The following RBFOX1 variants were observed in gnomAD, a reference collection of about 807,000 sequenced individuals.
RBFOX1 encodes RNA binding fox-1 homolog 1, also known as RNA binding protein fox-1 homolog 1.
Under a neutral mutation model 57.7 loss-of-function variants are expected in RBFOX1, and 8 were observed. That is an observed-to-expected ratio of 0.14 (90% CI 0.08 to 0.25). The LOEUF (loss-of-function observed/expected upper bound fraction) is 0.25. RBFOX1 is among the 10% of genes least tolerant of loss of function. The pLI is 1.00. For missense variants in RBFOX1, 611 were observed against 548.5 expected, an observed-to-expected ratio of 1.11 and a Z score of -1.14; for synonymous variants, 326 against 222.4, an observed-to-expected ratio of 1.47 and a Z score of -4.15.
At chr16:7,057,659 C>T (rs1207183524) in intron 4 of RBFOX1, among the ~76,000 whole-genome samples, 1 of 152,162 alleles carries the variant, frequency 6.6e-6, no homozygotes, top group Non-Finnish European at 1.5e-5. Context: ...CCAGGGCCAA[C>T]TCTTGAGGGA....
At chr16:5,286,903 G>C (rs2063409048) in intron 1 of RBFOX1, among the ~76,000 whole-genome samples, 1 of 152,222 alleles carries the variant, frequency 6.6e-6, no homozygotes, top group African/African-American at 2.4e-5. Flanking sequence ...TTGGTCTATA[G>C]TTTGCCAACC....
At chr16:6,006,261 G>A (rs1256257492) in intron 4 of RBFOX1, among the ~76,000 whole-genome samples, 1 of 152,136 alleles carries the variant, frequency 6.6e-6, no homozygotes, top group Non-Finnish European at 1.5e-5. Context: ...CCACAGATGT[G>A]GCTGGTCAGA....
At chr16:7,653,972 G>T (rs1212676991) in intron 12 of RBFOX1, 25 bp downstream of exon 12, 1 of 1,474,696 alleles carries the variant, frequency 6.8e-7, no homozygotes, top group Non-Finnish European at 8.9e-7. Context: ...CTCCTGGGTG[G>T]GCCTCCCTGC....
At chr16:7,232,557 C>T (rs1296639195) in intron 4 of RBFOX1, among the ~76,000 whole-genome samples, 2 of 152,052 alleles carry the variant, frequency 1.3e-5, no homozygotes, top group Non-Finnish European at 2.9e-5. Context: ...AATGAGATAA[C>T]AGGCCAGGCA....
chr16:5,570,440 G>C (rs2046241838), intron 2 of RBFOX1, among the ~76,000 whole-genome samples: 1 of 152,148 alleles, frequency 6.6e-6, no homozygotes, highest in African/African-American at 2.4e-5. Context: ...AGAATGCTTA[G>C]GTCCCTGGCA....
chr16:6,786,634 G>C (rs900640315), intron 3 of RBFOX1, among the ~76,000 whole-genome samples: 1 of 152,142 alleles, frequency 6.6e-6, no homozygotes, highest in Admixed American at 6.5e-5. Context: ...TGAGGAGAAT[G>C]GATGGTGCTC....
intron 2 of RBFOX1, among the ~76,000 whole-genome samples, chr16:5,532,103 A>T (rs140920900): frequency 9.1e-4 from 139 of 152,220 alleles, no homozygotes; most frequent in African/African-American, 3.0e-3. Flanking sequence ...GTGACTGTCA[A>T]GTTCTTCTTG....
chr16:7,041,082 ATTTTTTT>A (rs61569211), intron 3 of RBFOX1, among the ~76,000 whole-genome samples: 14,008 of 109,888 alleles, frequency 0.13, 1,199 homozygotes, highest in East Asian at 0.36. Context: ...CGCCCAGCTA[ATTTTTTT>A]TTTTTTTTTT....
chr16:5,276,929 A>G (rs1306807020), intron 1 of RBFOX1, among the ~76,000 whole-genome samples: 1 of 152,202 alleles, frequency 6.6e-6, no homozygotes, highest in Non-Finnish European at 1.5e-5. Context: ...TGATCCAGCA[A>G]TCCCACTACT....
chr16:6,753,236 G>T (rs1486155719), intron 3 of RBFOX1, among the ~76,000 whole-genome samples: 1 of 152,178 alleles, frequency 6.6e-6, no homozygotes, highest in Non-Finnish European at 1.5e-5. Flanking sequence ...CTGGGATAAA[G>T]CAAGTATAGT....
chr16:5,934,816 A>G (rs991512170), intron 4 of RBFOX1, among the ~76,000 whole-genome samples: 1 of 152,220 alleles, frequency 6.6e-6, no homozygotes, highest in Admixed American at 6.5e-5. Flanking sequence ...AGACACTGAT[A>G]TTCAGTGAAA....
At chr16:6,686,500 C>G (rs751671048) in intron 3 of RBFOX1, among the ~76,000 whole-genome samples, 1 of 152,170 alleles carries the variant, frequency 6.6e-6, no homozygotes, top group Admixed American at 6.5e-5. Flanking sequence ...CGTTTAAGTT[C>G]TGTGAAATTG....
At chr16:7,471,633 G>C in intron 4 of RBFOX1, among the ~76,000 whole-genome samples, 1 of 152,144 alleles carries the variant, frequency 6.6e-6, no homozygotes, top group Non-Finnish European at 1.5e-5. Context: ...CTTTACCCAT[G>C]AGCTATGCAC....
In RBFOX1 at chr16:6,617,549, G is replaced by T. The variant is rs538365401; in HGVS notation, c.-63-37054G>T. On this transcript the variant is annotated intron_variant, in intron 2 of 15. Transcript: ENST00000550418. ...AGAGATGAGATCAAGATGGCCATGT[G>T]GTTATAGACAGGGCTGGAGGACCTT... 3.5e-4 allele frequency among the ~76,000 whole-genome samples: 54 copies of T among 152,132 alleles called. 1 individual carries two copies. Among genetic ancestry groups the T allele is most frequent in the African/African-American group, 1.3e-3 (52 of 41,524 alleles).
At chr16:7,213,211 T>A (rs1185204922) in intron 4 of RBFOX1, among the ~76,000 whole-genome samples, 1 of 152,170 alleles carries the variant, frequency 6.6e-6, no homozygotes, top group Non-Finnish European at 1.5e-5. Flanking sequence ...GAACAATATC[T>A]GGGGCAGAAA....
intron 3 of RBFOX1, among the ~76,000 whole-genome samples, chr16:5,695,855 GT>G (rs1255759086): frequency 6.6e-6 from 1 of 152,094 alleles, no homozygotes; most frequent in Admixed American, 6.5e-5. Flanking sequence ...TTGCTCACAG[GT>G]ACTAATCATT....
chr16:5,831,550 C>T (rs990749765), intron 3 of RBFOX1, among the ~76,000 whole-genome samples: 3 of 150,852 alleles, frequency 2.0e-5, no homozygotes, highest in Non-Finnish European at 4.4e-5. Context: ...AGTGCAGTGG[C>T]ACAATCTCAG....
At chr16:7,300,425 C>T (rs1312172111) in intron 4 of RBFOX1, among the ~76,000 whole-genome samples, 2 of 152,200 alleles carry the variant, frequency 1.3e-5, no homozygotes, top group African/African-American at 4.8e-5. Flanking sequence ...TTCATGCTCA[C>T]TTTAATGAAG....
chr16:6,401,771 T>G (rs1342983873), intron 2 of RBFOX1, among the ~76,000 whole-genome samples: 1 of 152,036 alleles, frequency 6.6e-6, no homozygotes, highest in Non-Finnish European at 1.5e-5. Flanking sequence ...AAACATTAAA[T>G]GATAAACTAT....
Sources: allele counts gnomAD v4.1 joint callset (sites outside exome capture counted in the v4.1 genomes callset), GRCh38; gene constraint gnomAD v4.1.1; transcripts MANE v1.5; gene names NCBI Gene and HGNC (gene_info 2026-07-23, HGNC 2026-07-21).